The following TRAPPC8 variants were observed in gnomAD, a reference collection of about 807,000 sequenced individuals.
TRAPPC8 encodes the protein general sporulation gene 1 homolog.
In TRAPPC8, 54 loss-of-function variants were observed where a neutral mutation model predicts 174.3. The observed-to-expected ratio is 0.31, with a 90% CI of 0.25 to 0.39. The LOEUF (loss-of-function observed/expected upper bound fraction) is 0.39. TRAPPC8 is among the 10% of genes least tolerant of loss of function. The probability of loss-of-function intolerance (pLI) is 1.00; values close to 1 mark genes in which losing one functional copy is unlikely to be tolerated. For missense variants in TRAPPC8, 1,531 were observed against 1,699.1 expected (o/e 0.90, Z 1.74); for synonymous variants, 630 against 579.9 (o/e 1.09, Z -1.24).
At chr18:31,857,518 T>A (rs773973277) in intron 20 of TRAPPC8, 22 bp downstream of exon 20, 4 of 1,532,088 alleles carry the variant, frequency 2.6e-6, no homozygotes, top group Non-Finnish European at 2.6e-6. Context: ...ATGTTAAATT[T>A]TATAAGTTTT....
chr18:31,932,174 A>G (rs1485392845), intron 1 of TRAPPC8, among the ~76,000 whole-genome samples: 2 of 152,190 alleles, frequency 1.3e-5, no homozygotes, highest in Non-Finnish European at 2.9e-5. Context: ...TCACGCCTAT[A>G]ATCACAGCAC....
In TRAPPC8 at chr18:31,854,965, CAAAAAAA is replaced by C. The variant is rs71175798; in HGVS notation, c.3336+688_3336+694del. 2.4e-4 allele frequency among the ~76,000 whole-genome samples: 11 copies of C among 45,658 alleles called. No individual in the cohort carries two copies. The Admixed American group carries it at 3.3e-3, about 13-fold the overall frequency. The allele number at this position is 45,658 out of a possible 152,430, so 30.0% of individuals were successfully genotyped here. ...TGGGCGACAGAGCAAGACTCCATCT[CAAAAAAA>C]AAAAAAAAAAAAAAAGAATATTCAT... is the stretch of plus-strand genomic sequence containing the variant. On this transcript the variant is annotated intron_variant, in intron 21 of 28. Transcript: ENST00000283351.
chr18:31,934,164 G>A (rs190604825), intron 1 of TRAPPC8, among the ~76,000 whole-genome samples: 24 of 151,896 alleles, frequency 1.6e-4, no homozygotes, highest in African/African-American at 5.8e-4. Flanking sequence ...CTCCAGCCTG[G>A]GCGACAGAGA....
intron 11 of TRAPPC8, chr18:31,896,423 C>G (rs1266041629): frequency 1.3e-5 from 2 of 151,212 alleles, no homozygotes; most frequent in Non-Finnish European, 2.9e-5. Context: ...ACTCCCATCC[C>G]CACCCCCACC....
chr18:31,931,520 T>A lies in TRAPPC8; in HGVS notation c.161A>T (p.His54Leu), dbSNP rs2037844329. 6.4e-7 allele frequency: 1 copy of A among 1,552,680 alleles called. No homozygotes were observed. The highest frequency in any genetic ancestry group is 1.4e-5 in the African/African-American group (1 of 72,306). The change falls in exon 2 of 29, where the codon CAC becomes CTC. Residue 54 changes from histidine (H) to leucine (L), a missense_variant. His to Leu is a moderately conservative substitution (Grantham distance 99, BLOSUM62 -3). Transcript: ENST00000283351. ...AAGTTGATTATTAGGATCTCTCATGTGAACTTTAAAGAAAAAAAGAAAAAA... is the reference window on the plus strand; with the variant it reads ...AAGTTGATTATTAGGATCTCTCATGAGAACTTTAAAGAAAAAAAGAAAAAA... ...KPFSRLTSEV[H>L]MRDPNNQLHV...
chr18:31,859,204 T>C (rs1281875698), intron 19 of TRAPPC8, among the ~76,000 whole-genome samples: 1 of 152,166 alleles, frequency 6.6e-6, no homozygotes, highest in Non-Finnish European at 1.5e-5. Flanking sequence ...CTAATAAAGT[T>C]ATAGCTGGCA....
At chr18:31,854,164 T>C (rs1333400677) in intron 21 of TRAPPC8, among the ~76,000 whole-genome samples, 1 of 152,196 alleles carries the variant, frequency 6.6e-6, no homozygotes, top group East Asian at 1.9e-4. Flanking sequence ...TAATGCATAC[T>C]CAATGGTAAA....
intron 19 of TRAPPC8, among the ~76,000 whole-genome samples, chr18:31,862,199 CT>C (rs1459892292): frequency 6.6e-6 from 1 of 152,074 alleles, no homozygotes; most frequent in Non-Finnish European, 1.5e-5. Context: ...TCATCATCAG[CT>C]TTTTAACTCC....
chr18:31,874,801 G>C (rs2035062912), intron 12 of TRAPPC8, 97 bp from the exon 13 acceptor site: 6 of 990,644 alleles, frequency 6.1e-6, no homozygotes, highest in Non-Finnish European at 8.8e-6. Flanking sequence ...TTAAGTAACT[G>C]GTTCTTCCTC....
intron 27 of TRAPPC8, among the ~76,000 whole-genome samples, chr18:31,834,009 A>AAAAC (rs2032545798): frequency 6.6e-6 from 1 of 151,084 alleles, no homozygotes; most frequent in Admixed American, 6.6e-5. Flanking sequence ...CTCAAAAAAA[A>AAAAC]AAAACAAAAA....
At chr18:31,922,479 TACTCGA>T (rs2037432385) in intron 2 of TRAPPC8, among the ~76,000 whole-genome samples, 1 of 151,902 alleles carries the variant, frequency 6.6e-6, no homozygotes, top group African/African-American at 2.4e-5. Flanking sequence ...TAGCGCTGGC[TACTCGA>T]GAGGCTGAGG....
chr18:31,925,618 G>A lies in TRAPPC8; in HGVS notation c.352+5711C>T, dbSNP rs562553555. Among the ~76,000 whole-genome samples the A allele has an allele frequency of 2.0e-5, 3 of 152,244 alleles. No homozygotes were observed. In the South Asian group the frequency reaches 6.2e-4, roughly 32 times the overall value. On this transcript the variant is annotated intron_variant, in intron 2 of 28. Coordinates refer to ENST00000283351, the MANE Select transcript of TRAPPC8 (RefSeq NM_014939.5). The stretch of plus-strand genomic sequence containing the variant: ...AAAGAATACAAGACAGTTTCTCAGG[G>A]CTAAAAAGTGCATAACCAGACTGTC...
Position 31,916,384 on chromosome 18 carries a change from C to T in TRAPPC8, c.505G>A (p.Glu169Lys), listed in dbSNP as rs747613320. Residue 169 changes from glutamate to lysine, a missense_variant, in exon 4 of 29, where the codon GAA (glutamate) becomes AAA (lysine). Coordinates refer to ENST00000283351, the MANE Select transcript of TRAPPC8 (RefSeq NM_014939.5). ...CTGTTGTGCTGAATTCGATGCTGTT[C>T]TTGTGACAACTTTGAAAACTGTTCC... ...PVEQFSKLSQ[E>K]QHRIQHNSDY... 3 of 1,613,854 alleles carry T rather than the reference C, an allele frequency of 1.9e-6. No homozygotes were observed. Among genetic ancestry groups the T allele is most frequent in the Non-Finnish European group, 2.5e-6 (3 of 1,179,922 alleles).
chr18:31,934,767 T>C (rs1313957404), intron 1 of TRAPPC8, among the ~76,000 whole-genome samples: 1 of 151,474 alleles, frequency 6.6e-6, no homozygotes, highest in African/African-American at 2.4e-5. Context: ...CTCTGGAGGC[T>C]GAGGCAGGAG....
intron 10 of TRAPPC8, among the ~76,000 whole-genome samples, chr18:31,900,437 GGTTATCAAGTCC>G (rs2036370931): frequency 2.0e-5 from 3 of 152,148 alleles, no homozygotes; most frequent in Non-Finnish European, 2.9e-5. Context: ...ACGTCTTCAT[GGTTATCAAGTCC>G]TAACCACCTT....
chr18:31,891,083 T>C lies in TRAPPC8; in HGVS notation c.1597-217A>G, dbSNP rs12966964. On this transcript the variant is annotated intron_variant, in intron 11 of 28. Coordinates refer to ENST00000283351, the MANE Select transcript of TRAPPC8 (RefSeq NM_014939.5). Reference sequence around the variant, plus strand: ...AAAACATCTTCTACCATGAAATACTTAGCTTTTCATAAAAGCCACATGTCT... The same window carrying C: ...AAAACATCTTCTACCATGAAATACTCAGCTTTTCATAAAAGCCACATGTCT... 3.4e-3 allele frequency: 932 copies of C among 273,838 alleles called. 1 individual carries two copies. Among genetic ancestry groups the C allele is most frequent in the Admixed American group, 5.5e-3 (107 of 19,550 alleles). The allele number at this position is 273,838 out of a possible 1,614,324, so 17.0% of individuals were successfully genotyped here.
At chr18:31,833,748 A>C (rs2032520322) in intron 27 of TRAPPC8, among the ~76,000 whole-genome samples, 1 of 152,120 alleles carries the variant, frequency 6.6e-6, no homozygotes, top group Non-Finnish European at 1.5e-5. Flanking sequence ...TTGCGCTTGT[A>C]ATCCCAGCAT....
At chr18:31,887,716 A>G (rs1166387071) in intron 12 of TRAPPC8, among the ~76,000 whole-genome samples, 1 of 152,080 alleles carries the variant, frequency 6.6e-6, no homozygotes, top group African/African-American at 2.4e-5. Context: ...CTGCATGGAC[A>G]AAAGGTGGAA....
chr18:31,940,687 C>A (rs2038294738), intron 1 of TRAPPC8, among the ~76,000 whole-genome samples: 1 of 151,824 alleles, frequency 6.6e-6, no homozygotes, highest in Non-Finnish European at 1.5e-5. Context: ...TTAGTAGAAA[C>A]GGGGTTTCAC....
Sources: allele counts gnomAD v4.1 joint callset (sites outside exome capture counted in the v4.1 genomes callset), GRCh38; gene constraint gnomAD v4.1.1; transcripts MANE v1.5; gene names NCBI Gene and HGNC (gene_info 2026-07-23, HGNC 2026-07-21).